DGKB: variants seen among roughly 807,000 people sequenced by gnomAD.
DGKB encodes the protein 90 kDa diacylglycerol kinase.
In DGKB, 67 loss-of-function variants were observed where a neutral mutation model predicts 114.3. That is an observed-to-expected ratio of 0.59 (90% CI 0.48 to 0.72). The LOEUF (loss-of-function observed/expected upper bound fraction) is 0.72. Among genes scored for constraint, DGKB ranks in the 30% least tolerant of loss-of-function variants. The pLI, the probability that DGKB is intolerant of heterozygous loss-of-function variation, is 0.00. For missense variants in DGKB, 907 were observed against 975.2 expected, an observed-to-expected ratio of 0.93 and a Z score of 0.93; for synonymous variants, 398 against 323.1, an observed-to-expected ratio of 1.23 and a Z score of -2.49.
At chr7:14,330,389 A>C (rs1056188903) in intron 23 of DGKB, among the ~76,000 whole-genome samples, 1 of 151,850 alleles carries the variant, frequency 6.6e-6, no homozygotes, top group Admixed American at 6.6e-5. Context: ...GATTTTGCCC[A>C]TTTTCCTAAT....
intron 21 of DGKB, among the ~76,000 whole-genome samples, chr7:14,465,969 G>A (rs1464513453): frequency 6.6e-6 from 1 of 152,000 alleles, no homozygotes; most frequent in Non-Finnish European, 1.5e-5. Flanking sequence ...GCATGAGTTG[G>A]AAGTAGACGT....
At chr7:14,968,067 T>A (rs1375435939) in intron 1 of DGKB, among the ~76,000 whole-genome samples, 2 of 152,156 alleles carry the variant, frequency 1.3e-5, no homozygotes, top group African/African-American at 4.8e-5. Flanking sequence ...CCTTTGTCCA[T>A]TTCTCCTTAA....
At chr7:14,334,542 T>A (rs181938480) in intron 23 of DGKB, among the ~76,000 whole-genome samples, 9 of 152,168 alleles carry the variant, frequency 5.9e-5, no homozygotes, top group Non-Finnish European at 1.5e-5. Context: ...ATGACAAATA[T>A]ATTTTTATTA....
At chr7:14,949,175 T>C (rs771615812) in intron 1 of DGKB, among the ~76,000 whole-genome samples, 16 of 151,754 alleles carry the variant, frequency 1.1e-4, no homozygotes, top group Non-Finnish European at 2.4e-4. Context: ...AATAAAAAAA[T>C]CTATATAGAA....
chr7:14,296,410 G>A (rs1175325954), intron 23 of DGKB, among the ~76,000 whole-genome samples: 1 of 152,078 alleles, frequency 6.6e-6, no homozygotes, highest in Non-Finnish European at 1.5e-5. Context: ...ATCATTGATG[G>A]GCATTTGGGT....
At chr7:14,177,964 C>T in intron 24 of DGKB, 67 bp downstream of exon 24, 1 of 1,446,182 alleles carries the variant, frequency 6.9e-7, no homozygotes. Context: ...CAGAGTTCTG[C>T]ATACTTTTAA....
At chr7:14,396,476 C>G (rs1822236383) in intron 21 of DGKB, among the ~76,000 whole-genome samples, 1 of 152,004 alleles carries the variant, frequency 6.6e-6, no homozygotes, top group African/African-American at 2.4e-5. Flanking sequence ...TTTGTTAGAC[C>G]TTACATACTG....
chr7:14,248,004 C>A (rs1177291947), intron 23 of DGKB, among the ~76,000 whole-genome samples: 1 of 151,906 alleles, frequency 6.6e-6, no homozygotes, highest in East Asian at 1.9e-4. Flanking sequence ...AAATTTTAAT[C>A]CATTTTAGGT....
At chr7:14,629,944 T>C (rs905993004) in intron 14 of DGKB, among the ~76,000 whole-genome samples, 9 of 152,082 alleles carry the variant, frequency 5.9e-5, no homozygotes, top group African/African-American at 2.2e-4. Context: ...TATTTTTCTA[T>C]GTAGTAAAAA....
chr7:14,795,183 G>T (rs758249105), intron 2 of DGKB, among the ~76,000 whole-genome samples: 2 of 152,154 alleles, frequency 1.3e-5, no homozygotes, highest in Non-Finnish European at 2.9e-5. Flanking sequence ...GAACATGTAC[G>T]AAATTGATAA....
chr7:14,279,959 T>G (rs1002184630), intron 23 of DGKB, among the ~76,000 whole-genome samples: 1 of 152,128 alleles, frequency 6.6e-6, no homozygotes, highest in African/African-American at 2.4e-5. Flanking sequence ...GCGACTCTCC[T>G]CCTCCAAAGG....
intron 25 of DGKB, among the ~76,000 whole-genome samples, chr7:14,170,576 A>G (rs747892993): frequency 1.3e-5 from 2 of 152,176 alleles, no homozygotes; most frequent in Non-Finnish European, 2.9e-5. Context: ...CTGGGTCTTG[A>G]AAAACTTAAA....
At chr7:14,261,991 CGCA>C (rs1562774649) in intron 23 of DGKB, among the ~76,000 whole-genome samples, 1 of 152,154 alleles carries the variant, frequency 6.6e-6, no homozygotes, top group East Asian at 1.9e-4. Context: ...ATGTGCTATA[CGCA>C]CTGCAGAAGA....
intron 23 of DGKB, among the ~76,000 whole-genome samples, chr7:14,266,598 AGTATTTC>A (rs1232176931): frequency 2.6e-5 from 4 of 152,192 alleles, no homozygotes; most frequent in African/African-American, 9.6e-5. Context: ...TGACCTTTTA[AGTATTTC>A]TATTGAGATT....
chr7:14,840,699 A>AACACACACACAC (rs57577998), intron 2 of DGKB, among the ~76,000 whole-genome samples: 8 of 130,190 alleles, frequency 6.1e-5, no homozygotes, highest in African/African-American at 2.1e-4. Context: ...ACTCTCTTTT[A>AACACACACACAC]ACACACACAC....
rs997102742 is a variant in DGKB, at chr7:14,356,352, C to CTTTTTTT, written c.1836-10968_1836-10962dup. On this transcript the variant is annotated intron_variant, in intron 21 of 25. Transcript: ENST00000402815. ...TTTGTTTGCTCTTGCTTCTCTAGTT[C>CTTTTTTT]TTTTTTTTTTTTTTTTTTTTTTTTT... is the stretch of plus-strand genomic sequence containing the variant. Among the ~76,000 whole-genome samples, 61 of 77,222 alleles carry CTTTTTTT rather than the reference C, an allele frequency of 7.9e-4. 5 individuals carry two copies. The highest frequency in any genetic ancestry group is 1.9e-3 in the East Asian group (5 of 2,602). The allele number at this position is 77,222 out of a possible 152,430, so 50.7% of individuals were successfully genotyped here.
At chr7:14,723,069 C>T (rs926815696) in intron 5 of DGKB, among the ~76,000 whole-genome samples, 1 of 150,042 alleles carries the variant, frequency 6.7e-6, no homozygotes, top group African/African-American at 2.5e-5. Flanking sequence ...CTGAAGCTCA[C>T]TACTTATCTT....
At chr7:14,246,814 G>C (rs1794548349) in intron 23 of DGKB, among the ~76,000 whole-genome samples, 1 of 152,094 alleles carries the variant, frequency 6.6e-6, no homozygotes, top group African/African-American at 2.4e-5. Flanking sequence ...GTGTGTGTGT[G>C]TGTTGCAAGA....
Position 14,315,900 on chromosome 7 carries a change from A to T in DGKB, c.2122+22615T>A, listed in dbSNP as rs948307015. On this transcript the variant is annotated intron_variant, in intron 23 of 25. Transcript: ENST00000402815. ...ACTTGGAAGTAAAGCTCTCCTCAGC[A>T]AATGTAAAAGAACAGAAATTATAAC... 2.0e-4 allele frequency among the ~76,000 whole-genome samples: 31 copies of T among 151,654 alleles called. No homozygotes were observed. The South Asian group carries it at 2.5e-3, about 12-fold the overall frequency.
Sources: allele counts gnomAD v4.1 joint callset (sites outside exome capture counted in the v4.1 genomes callset), GRCh38; gene constraint gnomAD v4.1.1; transcripts MANE v1.5; gene names NCBI Gene and HGNC (gene_info 2026-07-23, HGNC 2026-07-21).